NELL1: variants seen among roughly 807,000 people sequenced by gnomAD.
NELL1 encodes neural EGFL like 1.
In NELL1, 76 loss-of-function variants were observed where a neutral mutation model predicts 107.4. The ratio of observed to expected loss-of-function variants is 0.71; its 90% CI spans 0.59 to 0.86. The LOEUF (loss-of-function observed/expected upper bound fraction) is 0.86, where lower values mean the gene tolerates loss of function less well. NELL1 is among the 40% of genes least tolerant of loss of function. The probability of loss-of-function intolerance (pLI) is 0.00; values close to 1 mark genes in which losing one functional copy is unlikely to be tolerated. For synonymous variants in NELL1, 353 were observed against 341.2 expected (o/e 1.03, Z -0.38); for missense variants, 1,024 against 1,005.5 (o/e 1.02, Z -0.25).
chr11:21,572,980 G>T (rs1301363228), intron 18 of NELL1, among the ~76,000 whole-genome samples: 5 of 151,826 alleles, frequency 3.3e-5, no homozygotes, highest in African/African-American at 9.7e-5. Context: ...TCTATGTCCT[G>T]CAGTATAGAT....
chr11:21,291,311 G>C (rs61885469), intron 14 of NELL1, among the ~76,000 whole-genome samples: 2,115 of 152,176 alleles, frequency 0.014, 22 homozygotes, highest in Non-Finnish European at 0.023. Flanking sequence ...AAGACACAAC[G>C]TACCAGAATC....
chr11:21,105,876 TCTCTC>T (rs1565062887), intron 12 of NELL1, among the ~76,000 whole-genome samples: 3,290 of 35,514 alleles, frequency 0.093, 228 homozygotes, highest in Admixed American at 0.15. Context: ...CTCCCCTTCC[TCTCTC>T]CTCTCCTCTC....
chr11:21,216,213 G>A (rs1160887483), intron 13 of NELL1, among the ~76,000 whole-genome samples: 1 of 152,178 alleles, frequency 6.6e-6, no homozygotes, highest in East Asian at 1.9e-4. Flanking sequence ...TTGAGGTTTG[G>A]GAACCTCCAC....
intron 13 of NELL1, among the ~76,000 whole-genome samples, chr11:21,155,378 G>A (rs1234552109): frequency 6.6e-6 from 1 of 152,100 alleles, no homozygotes; most frequent in East Asian, 1.9e-4. Context: ...TGGATGTTGT[G>A]AAGATAAGAG....
chr11:21,004,849 G>A (rs1257104522), intron 12 of NELL1, among the ~76,000 whole-genome samples: 1 of 152,004 alleles, frequency 6.6e-6, no homozygotes, highest in Non-Finnish European at 1.5e-5. Flanking sequence ...ATAATTTTTT[G>A]AAGTGTTACT....
chr11:21,028,761 T>G (rs1341599659), intron 12 of NELL1, among the ~76,000 whole-genome samples: 2 of 152,188 alleles, frequency 1.3e-5, no homozygotes, highest in African/African-American at 2.4e-5. Context: ...TTTTGTGCTG[T>G]TTGCAGTGTT....
chr11:20,675,827 G>T (rs1009529302), intron 1 of NELL1, among the ~76,000 whole-genome samples: 2 of 151,856 alleles, frequency 1.3e-5, no homozygotes, highest in Non-Finnish European at 2.9e-5. Context: ...AGGCTGGAGT[G>T]CAGTGGTGCT....
At chr11:21,557,349 A>G (rs1476465187) in intron 16 of NELL1, among the ~76,000 whole-genome samples, 1 of 152,064 alleles carries the variant, frequency 6.6e-6, no homozygotes, top group East Asian at 1.9e-4. Context: ...CTTTATGCTC[A>G]GCCTTCTTAA....
At chr11:21,113,332 A>G (rs955133846) in intron 12 of NELL1, among the ~76,000 whole-genome samples, 2 of 151,984 alleles carry the variant, frequency 1.3e-5, no homozygotes, top group Admixed American at 1.3e-4. Flanking sequence ...AGAAACTAAT[A>G]GTTGTAAATT....
intron 19 of NELL1, among the ~76,000 whole-genome samples, chr11:21,574,520 TGA>T (rs1332985674): frequency 4.6e-5 from 7 of 151,874 alleles, no homozygotes; most frequent in African/African-American, 1.7e-4. Context: ...ATAGTCACCA[TGA>T]GAGATTTTAT....
chr11:20,973,369 A>C (rs1181307871), intron 12 of NELL1, among the ~76,000 whole-genome samples: 1 of 152,072 alleles, frequency 6.6e-6, no homozygotes, highest in Non-Finnish European at 1.5e-5. Flanking sequence ...CGGCCTCCCA[A>C]AGTGTTGGGA....
chr11:21,388,331 T>G (rs1229161585), intron 15 of NELL1, among the ~76,000 whole-genome samples: 1 of 151,748 alleles, frequency 6.6e-6, no homozygotes, highest in Admixed American at 6.6e-5. Flanking sequence ...AATCTGTATC[T>G]CCCAATATTG....
intron 12 of NELL1, among the ~76,000 whole-genome samples, chr11:20,983,313 C>G (rs1409388598): frequency 6.6e-6 from 1 of 152,136 alleles, no homozygotes; most frequent in Non-Finnish European, 1.5e-5. Context: ...GGCTTGATCC[C>G]AGACATTGGC....
At chr11:20,942,205 G>T (rs1273804893) in intron 10 of NELL1, among the ~76,000 whole-genome samples, 1 of 152,188 alleles carries the variant, frequency 6.6e-6, no homozygotes, top group Non-Finnish European at 1.5e-5. Flanking sequence ...CCTATATTCT[G>T]TCTCTCATTG....
Position 21,138,144 on chromosome 11 carries a change from C to T in NELL1, c.1426+24430C>T, listed in dbSNP as rs558286590. Reference sequence around the variant, plus strand: ...GCAAAATGGCATTTAATTCTTATTCCCTCGGTGCTCTTGGGGAAATCTCAT... The same window carrying T: ...GCAAAATGGCATTTAATTCTTATTCTCTCGGTGCTCTTGGGGAAATCTCAT... On this transcript the variant is annotated intron_variant, in intron 13 of 19. Coordinates refer to ENST00000357134, the MANE Select transcript of NELL1 (RefSeq NM_006157.5). Among the ~76,000 whole-genome samples the T allele has an allele frequency of 3.7e-3, 568 of 152,144 alleles. 6 individuals are homozygous for T. Among genetic ancestry groups the T allele is most frequent in the African/African-American group, 0.013 (556 of 41,504 alleles).
chr11:20,889,308 G>T (rs1416838695), intron 5 of NELL1, among the ~76,000 whole-genome samples: 1 of 152,168 alleles, frequency 6.6e-6, no homozygotes, highest in East Asian at 1.9e-4. Context: ...AACAGTAAAA[G>T]CAGAAGTCAA....
Position 20,675,782 on chromosome 11 carries a change from C to CT in NELL1, c.56-2141dup, listed in dbSNP as rs535286280. On this transcript the variant is annotated intron_variant, in intron 1 of 19. Coordinates refer to ENST00000357134, the MANE Select transcript of NELL1 (RefSeq NM_006157.5). ...CCTCTCTTCTTTTTTCTTTTCTTTT[C>CT]TTTTTTTTTGATACAGAGTTTCACT... Among the ~76,000 whole-genome samples, 600 of 151,282 alleles carry CT rather than the reference C, an allele frequency of 4.0e-3. 1 individual carries two copies. The highest frequency in any genetic ancestry group is 5.5e-3 in the Non-Finnish European group (371 of 67,726).
At chr11:20,706,284 TAGAC>T (rs1434940881) in intron 2 of NELL1, among the ~76,000 whole-genome samples, 5 of 152,090 alleles carry the variant, frequency 3.3e-5, no homozygotes, top group Non-Finnish European at 5.9e-5. Context: ...TCAAGAATGA[TAGAC>T]TGGATATAAG....
chr11:21,428,423 G>A (rs1194981221), intron 15 of NELL1, among the ~76,000 whole-genome samples: 4 of 152,224 alleles, frequency 2.6e-5, no homozygotes, highest in East Asian at 1.9e-4. Flanking sequence ...AGATAGTGTC[G>A]ATAAAGTTAT....
Sources: gnomAD v4.1 joint callset for allele counts (sites outside exome capture counted in the v4.1 genomes callset) on GRCh38, gnomAD v4.1.1 for gene constraint, MANE v1.5 for transcripts, NCBI Gene and HGNC (gene_info 2026-07-23, HGNC 2026-07-21) for gene names.